SRC: variants seen among roughly 807,000 people sequenced by gnomAD.
SRC encodes proto-oncogene tyrosine-protein kinase Src.
Under a neutral mutation model 62.9 loss-of-function variants are expected in SRC, and 13 were observed. That is an observed-to-expected ratio of 0.21 (90% CI 0.13 to 0.33). The LOEUF is 0.33. Ranked by LOEUF, SRC falls within the 10% of genes least tolerant of loss-of-function variation. The probability of loss-of-function intolerance (pLI) is 1.00; values close to 1 mark genes in which losing one functional copy is unlikely to be tolerated. For missense variants in SRC, 457 were observed against 737.3 expected (o/e 0.62, Z 4.40); for synonymous variants, 302 against 317.5 (o/e 0.95, Z 0.52).
Position 37,403,742 on chromosome 20 carries a change from C to G in SRC, c.*363C>G, listed in dbSNP as rs1170713426. 5 of 323,542 alleles carry G rather than the reference C, an allele frequency of 1.5e-5. No homozygotes were observed. The highest frequency in any genetic ancestry group is 2.9e-5 in the Non-Finnish European group (5 of 172,140). 20.0% of individuals were successfully genotyped at this position (323,542 alleles called of 1,614,324 possible). A position where few individuals can be genotyped will look rare whatever the true frequency, so the allele number is the denominator to read the frequency against. ...TCAGCCTACTCCGCTCACTGAACTCCTTCCCCACTTCTGTGCCACCCCCGG... is the reference window on the plus strand; with the variant it reads ...TCAGCCTACTCCGCTCACTGAACTCGTTCCCCACTTCTGTGCCACCCCCGG... On this transcript the variant is annotated 3_prime_UTR_variant, in exon 14 of 14. Transcript: ENST00000373578. This position sits in a 1 kb window ranked among gnomAD's most constrained non-coding sequence, Gnocchi z 7.1.
chr20:37,383,642 C>T (rs1232070696), intron 3 of SRC: 3 of 157,808 alleles, frequency 1.9e-5, no homozygotes, highest in African/African-American at 7.2e-5. Flanking sequence ...TGGATGCCAT[C>T]CTTACGCTCA....
At chr20:37,346,655 C>CCCCCGG (rs1431353978) in intron 1 of SRC, among the ~76,000 whole-genome samples, 1 of 151,760 alleles carries the variant, frequency 6.6e-6, no homozygotes. Context: ...GGCCCTGCGC[C>CCCCCGG]CCCCGGCCCC....
Position 37,403,089 on chromosome 20 carries a change from C to A in SRC, c.1403-82C>A. 1 of 1,409,260 alleles carries A rather than the reference C, an allele frequency of 7.1e-7. No individual in the cohort carries two copies. The highest frequency in any genetic ancestry group is 9.5e-7 in the Non-Finnish European group (1 of 1,054,534). The allele number at this position is 1,409,260 out of a possible 1,614,324, so 87.3% of individuals were successfully genotyped here. A position where few individuals can be genotyped will look rare whatever the true frequency, so the allele number is the denominator to read the frequency against. On this transcript the variant is annotated intron_variant, in intron 13 of 13. Transcript: ENST00000373578. This position sits in a 1 kb window ranked among gnomAD's most constrained non-coding sequence, Gnocchi z 7.1. ...CTCCCAACCTGTCCTAGGCAGGAAG[C>A]CCTCGCTGCCCTCCCCATCAGCTTC...
chr20:37,387,387 C>T (rs997921919), intron 5 of SRC, among the ~76,000 whole-genome samples: 2 of 152,140 alleles, frequency 1.3e-5, no homozygotes, highest in Non-Finnish European at 2.9e-5. Flanking sequence ...TGCAGTCTAG[C>T]CAGGGCTGAA....
chr20:37,373,275 CA>C, intron 2 of SRC, among the ~76,000 whole-genome samples: 1 of 150,652 alleles, frequency 6.6e-6, no homozygotes. Context: ...TACGCACACA[CA>C]CACACACATA....
chr20:37,373,183 C>T (rs943895809), intron 2 of SRC, among the ~76,000 whole-genome samples: 2 of 150,946 alleles, frequency 1.3e-5, no homozygotes, highest in African/African-American at 2.4e-5. Flanking sequence ...CACACATACA[C>T]ATGTATACAT....
intron 2 of SRC, among the ~76,000 whole-genome samples, chr20:37,378,375 T>A (rs903487048): frequency 1.3e-5 from 2 of 152,094 alleles, no homozygotes; most frequent in African/African-American, 4.8e-5. Context: ...TTTACAGAGA[T>A]AATAGCAGCT....
chr20:37,351,254 G>A lies in SRC; in HGVS notation c.-247+4999G>A, dbSNP rs2069797048. 6.6e-6 allele frequency among the ~76,000 whole-genome samples: 1 copy of A among 152,212 alleles called. No homozygotes were observed. The highest frequency in any genetic ancestry group is 2.1e-4 in the South Asian group (1 of 4,820). ...CCAGAGTAAAAGGAGAAGCCAGAAG[G>A]GAGGAGAAGTTGAATGATCTTGGCC... On this transcript the variant is annotated intron_variant, in intron 1 of 13. Coordinates refer to ENST00000373578, the MANE Select transcript of SRC (RefSeq NM_198291.3). The surrounding 1 kb of genome is among the most constrained non-coding windows in gnomAD (Gnocchi z 4.4).
intron 5 of SRC, among the ~76,000 whole-genome samples, chr20:37,388,759 T>G (rs1285822806): frequency 5.8e-5 from 7 of 120,650 alleles, no homozygotes; most frequent in South Asian, 2.7e-4. Context: ...AAAAAAGAAG[T>G]GAAGGAGGGA....
At chr20:37,379,042 G>A (rs2070321047) in intron 2 of SRC, among the ~76,000 whole-genome samples, 1 of 152,108 alleles carries the variant, frequency 6.6e-6, no homozygotes, top group South Asian at 2.1e-4. Context: ...AGGCTTAGCG[G>A]GAGGTACTAG....
At chr20:37,357,901 T>C (rs1431480415) in intron 1 of SRC, among the ~76,000 whole-genome samples, 1 of 152,124 alleles carries the variant, frequency 6.6e-6, no homozygotes, top group African/African-American at 2.4e-5. Flanking sequence ...GGCAGGAGTG[T>C]GCTGGCTTTT....
chr20:37,386,492 C>T lies in SRC; in HGVS notation c.350+318C>T, dbSNP rs138481657. ...GTGGATGTCAGGTGTGTACATGCTCCGTGGGCGGCGGGCTGGGCGGGGTGC... is the reference window on the plus strand; with the variant it reads ...GTGGATGTCAGGTGTGTACATGCTCTGTGGGCGGCGGGCTGGGCGGGGTGC... On this transcript the variant is annotated intron_variant, in intron 5 of 13. Coordinates refer to ENST00000373578, the MANE Select transcript of SRC (RefSeq NM_198291.3). 43 of 465,054 alleles carry T rather than the reference C, an allele frequency of 9.2e-5. No homozygotes were observed. In the East Asian group the frequency reaches 1.9e-3, roughly 21 times the overall value. The allele number at this position is 465,054 out of a possible 1,614,324, so 28.8% of individuals were successfully genotyped here.
chr20:37,374,329 C>T lies in SRC; in HGVS notation c.-172-8290C>T, dbSNP rs991115529. ...TCCTGACCTCATGATCTCCCCACCT[C>T]GGCCTTCCAAAGTGCTGGGATTACA... On this transcript the variant is annotated intron_variant, in intron 2 of 13. Coordinates refer to ENST00000373578, the MANE Select transcript of SRC (RefSeq NM_198291.3). Among the ~76,000 whole-genome samples the T allele has an allele frequency of 1.6e-4, 24 of 152,142 alleles. 1 individual carries two copies. The highest frequency in any genetic ancestry group is 3.1e-4 in the Non-Finnish European group (21 of 67,994).
chr20:37,359,553 C>T (rs1287718981), intron 1 of SRC, among the ~76,000 whole-genome samples: 2 of 152,036 alleles, frequency 1.3e-5, no homozygotes, highest in African/African-American at 4.8e-5. Context: ...ATGCAGCTCC[C>T]TGGGGAGGGA....
In SRC at chr20:37,400,326, G is replaced by A. The variant is rs755189494; in HGVS notation, c.1039+32G>A. 15 of 1,577,652 alleles carry A rather than the reference G, an allele frequency of 9.5e-6. No individual in the cohort carries two copies. In the Admixed American group the frequency reaches 1.4e-4, roughly 15 times the overall value. The stretch of plus-strand genomic sequence containing the variant: ...CCTGGGCGGCCGGGGCAGGGGGCAG[G>A]GGCACTCCGGACAGGGCAGGGAGCA... On this transcript the variant is annotated intron_variant, in intron 10 of 13. Transcript: ENST00000373578.
Position 37,403,460 on chromosome 20 carries a change from T to G in SRC, c.*81T>G. The G allele has an allele frequency of 7.1e-7, 1 of 1,410,096 alleles. No homozygotes were observed. Among genetic ancestry groups the G allele is most frequent in the South Asian group, 1.3e-5 (1 of 75,744 alleles). The allele number at this position is 1,410,096 out of a possible 1,614,324, so 87.3% of individuals were successfully genotyped here. ...GTCTCGGGGCTTGCCCCACTCTGCC[T>G]GCCTGCTGTTGGTCCTCTCTCTGTG... On this transcript the variant is annotated 3_prime_UTR_variant, in exon 14 of 14. Transcript: ENST00000373578. The surrounding 1 kb of genome is among the most constrained non-coding windows in gnomAD (Gnocchi z 7.1).
In SRC at chr20:37,403,792, G is replaced by A. The variant is rs1213065248; in HGVS notation, c.*413G>A. The A allele has an allele frequency of 3.7e-6, 1 of 268,858 alleles. No homozygotes were observed. The highest frequency in any genetic ancestry group is 2.1e-5 in the African/African-American group (1 of 47,200). The allele number at this position is 268,858 out of a possible 1,614,324, so 16.7% of individuals were successfully genotyped here. ...GTCTATGTCGAGAGCTGGCCAAAGA[G>A]CCTTTCCAAAGAGGAGCGATGGGCC... On this transcript the variant is annotated 3_prime_UTR_variant, in exon 14 of 14. Transcript: ENST00000373578. This position sits in a 1 kb window ranked among gnomAD's most constrained non-coding sequence, Gnocchi z 7.1.
rs760191688 is a variant in SRC, at chr20:37,394,005, C to A, written c.449+12C>A. On this transcript the variant is annotated intron_variant, in intron 6 of 13. Transcript: ENST00000373578. Reference sequence around the variant, plus strand: ...ATCCAGGCTGAGGAGTGAGTACCGTCTCTGGCTGCCTCTACCCGTCGTCCC... The same window carrying A: ...ATCCAGGCTGAGGAGTGAGTACCGTATCTGGCTGCCTCTACCCGTCGTCCC... 5 of 1,611,208 alleles carry A rather than the reference C, an allele frequency of 3.1e-6. No individual in the cohort carries two copies. The Admixed American group carries it at 8.3e-5, about 27-fold the overall frequency.
rs1407634774 is a variant in SRC at position 37,384,002 on chromosome 20, C to T, written c.-4-148C>T. ...CCGCCCGCTTCGGCCTCCCAAAGTGCTGGGATTACAGGCGTGAGCCACCGC... is the reference window on the plus strand; with the variant it reads ...CCGCCCGCTTCGGCCTCCCAAAGTGTTGGGATTACAGGCGTGAGCCACCGC... On this transcript the variant is annotated intron_variant, in intron 3 of 13. Transcript: ENST00000373578. This position sits in a 1 kb window ranked among gnomAD's most constrained non-coding sequence, Gnocchi z 6.7. 3 of 1,070,702 alleles carry T rather than the reference C, an allele frequency of 2.8e-6. No individual in the cohort carries two copies. Among genetic ancestry groups the T allele is most frequent in the South Asian group, 3.0e-5 (2 of 66,492 alleles). The allele number at this position is 1,070,702 out of a possible 1,614,324, so 66.3% of individuals were successfully genotyped here.
Sources: gnomAD v4.1 joint callset for allele counts (sites outside exome capture counted in the v4.1 genomes callset) on GRCh38, gnomAD v4.1.1 for gene constraint, Gnocchi (gnomAD v3.1) non-coding constraint, MANE v1.5 for transcripts, NCBI Gene and HGNC (gene_info 2026-07-23, HGNC 2026-07-21) for gene names.